The following OPCML variants were observed in gnomAD, a reference collection of about 807,000 sequenced individuals.
The protein encoded by OPCML is opioid binding protein/cell adhesion molecule like.
In OPCML, 13 loss-of-function variants were observed where a neutral mutation model predicts 37.8. That is an observed-to-expected ratio of 0.34 (90% CI 0.22 to 0.55). OPCML has a LOEUF of 0.55. Ranked by LOEUF, OPCML falls within the 20% of genes least tolerant of loss-of-function variation. The pLI is 0.91. For synonymous variants in OPCML, 176 were observed against 168.8 expected (o/e 1.04, Z -0.33); for missense variants, 341 against 435.6 (o/e 0.78, Z 1.93).
intron 3 of OPCML, among the ~76,000 whole-genome samples, chr11:132,620,451 A>G (rs564240827): frequency 2.0e-5 from 3 of 152,216 alleles, no homozygotes; most frequent in African/African-American, 7.2e-5. Flanking sequence ...ACAGACCCTG[A>G]GGAAGTGATT....
At chr11:133,022,834 C>T (rs1004303687) in intron 1 of OPCML, among the ~76,000 whole-genome samples, 16 of 152,256 alleles carry the variant, frequency 1.1e-4, no homozygotes, top group African/African-American at 3.9e-4. Context: ...CCCATTAATT[C>T]CAGAGAGTCA....
At chr11:132,613,808 G>A (rs1395821738) in intron 3 of OPCML, among the ~76,000 whole-genome samples, 2 of 152,126 alleles carry the variant, frequency 1.3e-5, no homozygotes, top group Non-Finnish European at 2.9e-5. Flanking sequence ...CAAAATTATG[G>A]TTGCTGGTGA....
chr11:132,774,384 C>T (rs759401539), intron 2 of OPCML, among the ~76,000 whole-genome samples: 16 of 152,136 alleles, frequency 1.1e-4, no homozygotes, highest in Non-Finnish European at 2.2e-4. Flanking sequence ...CCTACATCAA[C>T]GTACAAAGTG....
intron 1 of OPCML, among the ~76,000 whole-genome samples, chr11:133,350,017 G>T (rs1019728017): frequency 1.3e-5 from 2 of 152,194 alleles, no homozygotes; most frequent in African/African-American, 2.4e-5. Flanking sequence ...ATCGCGGGCT[G>T]CAGAGGAGCC....
chr11:132,749,170 T>A (rs1295359559), intron 2 of OPCML, among the ~76,000 whole-genome samples: 1 of 152,122 alleles, frequency 6.6e-6, no homozygotes, highest in African/African-American at 2.4e-5. Flanking sequence ...AAGATAGCTG[T>A]CAGTGCCCAG....
At chr11:132,717,334 G>A (rs1056131279) in intron 2 of OPCML, among the ~76,000 whole-genome samples, 22 of 151,978 alleles carry the variant, frequency 1.4e-4, no homozygotes, top group African/African-American at 3.6e-4. Flanking sequence ...AATAACAGAC[G>A]TGGACTTAAA....
At chr11:133,518,006 AG>A (rs893451961) in intron 1 of OPCML, among the ~76,000 whole-genome samples, 3 of 152,172 alleles carry the variant, frequency 2.0e-5, no homozygotes, top group African/African-American at 7.2e-5. Flanking sequence ...TCCGAGGAGG[AG>A]TCCCATGGCA....
At chr11:132,873,217 T>G (rs1942876769) in intron 2 of OPCML, among the ~76,000 whole-genome samples, 1 of 152,200 alleles carries the variant, frequency 6.6e-6, no homozygotes. Flanking sequence ...TTAGATTTCA[T>G]AACAATTCTA....
intron 1 of OPCML, among the ~76,000 whole-genome samples, chr11:133,258,339 G>T (rs2136450296): frequency 6.6e-6 from 1 of 152,314 alleles, no homozygotes; most frequent in Non-Finnish European, 1.5e-5. Flanking sequence ...TGGTAGGAAA[G>T]ACTGGCTCTA....
intron 3 of OPCML, among the ~76,000 whole-genome samples, chr11:132,647,644 G>C (rs906668639): frequency 6.6e-6 from 1 of 152,116 alleles, no homozygotes; most frequent in Non-Finnish European, 1.5e-5. Context: ...TCGTCATAAA[G>C]GTCTTCATCA....
intron 2 of OPCML, among the ~76,000 whole-genome samples, chr11:132,941,354 T>C (rs573580084): frequency 1.3e-5 from 2 of 152,278 alleles, no homozygotes; most frequent in South Asian, 2.1e-4. Flanking sequence ...ACGACTGAGA[T>C]CCTATTCAAT....
chr11:133,442,523 C>T (rs954127898), intron 1 of OPCML, among the ~76,000 whole-genome samples: 1 of 152,076 alleles, frequency 6.6e-6, no homozygotes, highest in Non-Finnish European at 1.5e-5. Context: ...AGAGTGGAAT[C>T]TCAGAATCAA....
intron 1 of OPCML, among the ~76,000 whole-genome samples, chr11:132,986,887 T>C (rs77817780): frequency 0.016 from 2,492 of 152,244 alleles, 78 homozygotes; most frequent in African/African-American, 0.058. Flanking sequence ...TGAATTCCAA[T>C]AATGAGTCTT....
chr11:133,141,747 C>A (rs776490091), intron 1 of OPCML, among the ~76,000 whole-genome samples: 19 of 152,164 alleles, frequency 1.2e-4, no homozygotes, highest in Admixed American at 3.3e-4. Context: ...TTACCTTTCC[C>A]TTCCCACTCA....
chr11:133,415,878 G>A (rs34559019), intron 1 of OPCML, among the ~76,000 whole-genome samples: 12,203 of 152,192 alleles, frequency 0.08, 1,419 homozygotes, highest in African/African-American at 0.25. Flanking sequence ...GAGGCCTGCA[G>A]CTGATGCTGG....
At chr11:132,430,613 C>T (rs982388876) in intron 7 of OPCML, among the ~76,000 whole-genome samples, 2 of 152,156 alleles carry the variant, frequency 1.3e-5, no homozygotes, top group East Asian at 1.9e-4. Context: ...TTAACTGGAG[C>T]GTTTTCCTTT....
chr11:132,928,831 T>G (rs2136620313), intron 2 of OPCML, among the ~76,000 whole-genome samples: 1 of 152,006 alleles, frequency 6.6e-6, no homozygotes, highest in East Asian at 1.9e-4. Flanking sequence ...CTGGAAAATC[T>G]ACAAATATGT....
intron 3 of OPCML, among the ~76,000 whole-genome samples, chr11:132,621,993 CTCTT>C (rs1939438648): frequency 6.6e-6 from 1 of 152,130 alleles, no homozygotes; most frequent in African/African-American, 2.4e-5. Flanking sequence ...TAGCCATCAT[CTCTT>C]TCTACCTTTA....
intron 1 of OPCML, among the ~76,000 whole-genome samples, chr11:133,479,578 G>T (rs1947329834): frequency 6.6e-6 from 1 of 152,214 alleles, no homozygotes; most frequent in Non-Finnish European, 1.5e-5. Flanking sequence ...TTCTTGCAGA[G>T]CTTGGAGGCA....
Sources: allele counts gnomAD v4.1 joint callset (sites outside exome capture counted in the v4.1 genomes callset), GRCh38; gene constraint gnomAD v4.1.1; transcripts MANE v1.5; gene names NCBI Gene and HGNC (gene_info 2026-07-23, HGNC 2026-07-21).